The following TNIK variants were observed in gnomAD, a reference collection of about 807,000 sequenced individuals.
The protein encoded by TNIK is TRAF2 and NCK interacting kinase.
TNIK carries 49 observed loss-of-function variants against 191.3 expected under a neutral mutation model. The observed-to-expected ratio is 0.26, with a 90% CI of 0.20 to 0.32. TNIK has a LOEUF of 0.32. Among genes scored for constraint, TNIK ranks in the 10% least tolerant of loss-of-function variants. The pLI is 1.00. For synonymous variants in TNIK, 594 were observed against 600.9 expected (o/e 0.99, Z 0.17); for missense variants, 1,155 against 1,702.3 (o/e 0.68, Z 5.66).
chr3:171,419,419 C>T (rs549018982), intron 1 of TNIK, among the ~76,000 whole-genome samples: 40 of 152,324 alleles, frequency 2.6e-4, no homozygotes, highest in African/African-American at 9.4e-4. Context: ...CTAAAATTGA[C>T]TGTACTGATG....
intron 1 of TNIK, among the ~76,000 whole-genome samples, chr3:171,443,065 G>A (rs528000386): frequency 5.1e-4 from 78 of 152,234 alleles, no homozygotes; most frequent in Middle Eastern, 3.4e-3. Flanking sequence ...GCACTACAGC[G>A]CTTTATTTGT....
At chr3:171,396,169 T>C (rs1720228150) in intron 1 of TNIK, among the ~76,000 whole-genome samples, 1 of 151,344 alleles carries the variant, frequency 6.6e-6, no homozygotes, top group South Asian at 2.1e-4. Flanking sequence ...TACGGAGTTC[T>C]CTGTCCTGGA....
chr3:171,456,925 C>A (rs549808299), intron 1 of TNIK, among the ~76,000 whole-genome samples: 4 of 152,342 alleles, frequency 2.6e-5, no homozygotes, highest in Admixed American at 2.6e-4. Flanking sequence ...ACGCTCCTCG[C>A]TGTCCCCTCC....
At chr3:171,161,366 C>T (rs1560200056) in intron 10 of TNIK, 30 bp from the exon 11 acceptor site, 1 of 1,601,962 alleles carries the variant, frequency 6.2e-7, no homozygotes, top group Non-Finnish European at 8.5e-7. Flanking sequence ...TGTTAGTGCA[C>T]AAAAAGATGC....
chr3:171,315,672 C>T (rs1467006511), intron 2 of TNIK, among the ~76,000 whole-genome samples: 1 of 152,092 alleles, frequency 6.6e-6, no homozygotes, highest in East Asian at 1.9e-4. Context: ...TCCATGCCTC[C>T]TTCCTAACTT....
rs555513162 is a variant in TNIK, at chr3:171,394,511, A to G, written c.58-24826T>C. Among the ~76,000 whole-genome samples, 99 of 152,300 alleles carry G rather than the reference A, an allele frequency of 6.5e-4. 1 individual carries two copies. The highest frequency in any genetic ancestry group is 2.3e-3 in the African/African-American group (96 of 41,556). ...AAAAGACCAAGATCTCCACAAAGGG[A>G]AAGGTTGTGCCTTGCACATTTCTGA... On this transcript the variant is annotated intron_variant, in intron 1 of 32. Coordinates refer to ENST00000436636, the MANE Select transcript of TNIK (RefSeq NM_015028.4).
At chr3:171,346,203 A>G (rs1447600456) in intron 2 of TNIK, among the ~76,000 whole-genome samples, 2 of 152,150 alleles carry the variant, frequency 1.3e-5, no homozygotes, top group Non-Finnish European at 2.9e-5. Flanking sequence ...GGCGTGGTTG[A>G]TCATTAATTA....
At chr3:171,371,817 T>G (rs753805570) in intron 1 of TNIK, among the ~76,000 whole-genome samples, 7 of 152,236 alleles carry the variant, frequency 4.6e-5, no homozygotes, top group Non-Finnish European at 8.8e-5. Context: ...TGTTTGTTTC[T>G]AAGCTGTGCT....
chr3:171,102,144 T>C (rs1723676486), intron 21 of TNIK: 1 of 152,224 alleles, frequency 6.6e-6, no homozygotes, highest in Non-Finnish European at 1.5e-5. Context: ...ACTCATTTGG[T>C]GTGTCATCAT....
chr3:171,087,197 A>G, intron 24 of TNIK, 145 bp downstream of exon 24: 1 of 1,122,436 alleles, frequency 8.9e-7, no homozygotes, highest in South Asian at 1.6e-5. Context: ...TCTCTATTTG[A>G]GTATCTGCAT....
At chr3:171,390,462 C>T (rs940743261) in intron 1 of TNIK, among the ~76,000 whole-genome samples, 20 of 152,180 alleles carry the variant, frequency 1.3e-4, no homozygotes, top group African/African-American at 4.3e-4. Flanking sequence ...TCGTTCTCAC[C>T]GTCATTCCCT....
intron 2 of TNIK, among the ~76,000 whole-genome samples, chr3:171,326,633 T>C (rs1230538880): frequency 1.3e-5 from 2 of 152,222 alleles, no homozygotes; most frequent in African/African-American, 2.4e-5. Flanking sequence ...AAACATAGAT[T>C]GCTGCACCAG....
chr3:171,295,707 G>A (rs768417141), intron 2 of TNIK, among the ~76,000 whole-genome samples: 4 of 152,190 alleles, frequency 2.6e-5, no homozygotes, highest in Non-Finnish European at 5.9e-5. Context: ...TGGAGGCCAC[G>A]GTATTGTTTT....
chr3:171,173,827 G>A (rs573938818), intron 9 of TNIK, among the ~76,000 whole-genome samples: 1 of 152,262 alleles, frequency 6.6e-6, no homozygotes, highest in South Asian at 2.1e-4. Context: ...ATATCAAGCA[G>A]GAACCTAGCA....
At chr3:171,175,051 G>A (rs987995546) in intron 9 of TNIK, among the ~76,000 whole-genome samples, 3 of 152,106 alleles carry the variant, frequency 2.0e-5, no homozygotes, top group Non-Finnish European at 4.4e-5. Flanking sequence ...TAAAGGTGGG[G>A]GAATAAAGAC....
chr3:171,260,745 A>G (rs1747500100), intron 2 of TNIK, among the ~76,000 whole-genome samples: 1 of 152,200 alleles, frequency 6.6e-6, no homozygotes, highest in South Asian at 2.1e-4. Flanking sequence ...TTTAGTTTAA[A>G]CAAATGGGCT....
intron 15 of TNIK, among the ~76,000 whole-genome samples, chr3:171,135,251 G>A (rs1270228955): frequency 6.6e-6 from 1 of 152,138 alleles, no homozygotes; most frequent in Non-Finnish European, 1.5e-5. Context: ...CCTAATATGA[G>A]AAAAGACATC....
At chr3:171,092,360 G>A (rs1246503564) in intron 23 of TNIK, among the ~76,000 whole-genome samples, 1 of 152,162 alleles carries the variant, frequency 6.6e-6, no homozygotes, top group East Asian at 1.9e-4. Context: ...GGCTCCAAAT[G>A]TCTACTTGGA....
At chr3:171,239,234 TA>T (rs1018659446) in intron 2 of TNIK, among the ~76,000 whole-genome samples, 1 of 152,220 alleles carries the variant, frequency 6.6e-6, no homozygotes, top group African/African-American at 2.4e-5. Flanking sequence ...TTTGTTTGAT[TA>T]AAATATAAGT....
Sources: allele counts gnomAD v4.1 joint callset (sites outside exome capture counted in the v4.1 genomes callset), GRCh38; gene constraint gnomAD v4.1.1; transcripts MANE v1.5; gene names NCBI Gene and HGNC (gene_info 2026-07-23, HGNC 2026-07-21).